The following ABTB3 variants were observed in gnomAD, a reference collection of about 807,000 sequenced individuals.
ABTB3 encodes the protein ankyrin repeat and BTB domain containing 3, also known as ankyrin repeat- and BTB/POZ domain-containing protein 3.
At chr12:107,630,514 G>T in the ABTB3 span, among the ~76,000 whole-genome samples, 3 of 151,974 alleles carry the variant, frequency 2.0e-5, no homozygotes, top group Non-Finnish European at 4.4e-5. Flanking sequence ...TTGCCATGTT[G>T]CCTAGGCTGG....
the ABTB3 span, among the ~76,000 whole-genome samples, chr12:107,395,944 C>A: frequency 8.5e-5 from 13 of 152,188 alleles, no homozygotes; most frequent in Admixed American, 7.9e-4. Flanking sequence ...GGATGGGAAC[C>A]CTGTGTGGCC....
the ABTB3 span, among the ~76,000 whole-genome samples, chr12:107,616,084 ACTGAGAGCT>A: frequency 2.6e-5 from 4 of 152,158 alleles, no homozygotes. Context: ...GACATGTCAC[ACTGAGAGCT>A]GGCTTCTGCC....
At chr12:107,331,533 G>GCATT in the ABTB3 span, among the ~76,000 whole-genome samples, 3 of 152,156 alleles carry the variant, frequency 2.0e-5, no homozygotes, top group Non-Finnish European at 4.4e-5. Flanking sequence ...GGGACACCAG[G>GCATT]CATTCAGAGG....
chr12:107,608,404 C>T, the ABTB3 span, among the ~76,000 whole-genome samples: 2 of 152,186 alleles, frequency 1.3e-5, no homozygotes, highest in African/African-American at 4.8e-5. Flanking sequence ...TTAAGGACTA[C>T]GTCACAGGTC....
chr12:107,575,461 A>G, the ABTB3 span, among the ~76,000 whole-genome samples: 1 of 152,178 alleles, frequency 6.6e-6, no homozygotes, highest in South Asian at 2.1e-4. Flanking sequence ...TGACTGCTGT[A>G]AAAAATTACC....
chr12:107,455,839 A>G, the ABTB3 span, among the ~76,000 whole-genome samples: 1 of 152,170 alleles, frequency 6.6e-6, no homozygotes, highest in East Asian at 1.9e-4. Flanking sequence ...CTAATCCTAT[A>G]GCAGGCTAAC....
the ABTB3 span, among the ~76,000 whole-genome samples, chr12:107,468,698 G>A: frequency 6.6e-6 from 1 of 151,988 alleles, no homozygotes; most frequent in Non-Finnish European, 1.5e-5. Context: ...CAGTGTTTTG[G>A]GCAAAGGAGA....
At chr12:107,609,987 C>G in the ABTB3 span, 1 of 609,554 alleles carries the variant, frequency 1.6e-6, no homozygotes, top group South Asian at 2.0e-5. Flanking sequence ...TATGGGAGCA[C>G]ACAGGAGACT....
At chr12:107,651,595 C>T in the ABTB3 span, 5 of 942,714 alleles carry the variant, frequency 5.3e-6, no homozygotes, top group East Asian at 7.6e-5. Flanking sequence ...TGAGGACTGT[C>T]TCACCACTAT....
the ABTB3 span, among the ~76,000 whole-genome samples, chr12:107,539,811 C>T: frequency 6.6e-6 from 1 of 152,222 alleles, no homozygotes; most frequent in African/African-American, 2.4e-5. Context: ...GGTTAAGTGA[C>T]TCGCCTGTGT....
At chr12:107,336,697 C>G in the ABTB3 span, among the ~76,000 whole-genome samples, 3 of 152,310 alleles carry the variant, frequency 2.0e-5, no homozygotes, top group Admixed American at 1.3e-4. Flanking sequence ...CATCTTGTGT[C>G]TCCAGCACAG....
the ABTB3 span, chr12:107,520,680 T>G: frequency 6.2e-7 from 1 of 1,605,502 alleles, no homozygotes; most frequent in East Asian, 2.2e-5. Context: ...TCAAGACATA[T>G]CCTGTCTGTG....
At chr12:107,529,015 G>A in the ABTB3 span, among the ~76,000 whole-genome samples, 2 of 149,800 alleles carry the variant, frequency 1.3e-5, no homozygotes, top group Admixed American at 6.7e-5. Flanking sequence ...GATGATGGTG[G>A]TGATGATAAT....
the ABTB3 span, among the ~76,000 whole-genome samples, chr12:107,458,619 C>T: frequency 6.6e-6 from 1 of 152,142 alleles, no homozygotes; most frequent in African/African-American, 2.4e-5. Flanking sequence ...CCAGAATGGC[C>T]AAGTGTCTTG....
At chr12:107,353,247 C>CCGG in the ABTB3 span, among the ~76,000 whole-genome samples, 539 of 152,184 alleles carry the variant, frequency 3.5e-3, 4 homozygotes, top group Non-Finnish European at 5.3e-3. Context: ...TGGCTCTGAG[C>CCGG]CCAGCATGGT....
At chr12:107,615,521 C>T in the ABTB3 span, among the ~76,000 whole-genome samples, 2 of 152,188 alleles carry the variant, frequency 1.3e-5, no homozygotes, top group Non-Finnish European at 2.9e-5. Flanking sequence ...TTAGAACCTT[C>T]CCTTAGGTGT....
At chr12:107,479,172 G>A in the ABTB3 span, among the ~76,000 whole-genome samples, 3,674 of 152,204 alleles carry the variant, frequency 0.024, 162 homozygotes, top group African/African-American at 0.084. Flanking sequence ...TGTAGGCAGA[G>A]CTCAGACTAA....
At chr12:107,593,727 A>T in the ABTB3 span, among the ~76,000 whole-genome samples, 1 of 152,176 alleles carries the variant, frequency 6.6e-6, no homozygotes, top group Non-Finnish European at 1.5e-5. Context: ...AGACATAAGC[A>T]ATCCTGGGCA....
the ABTB3 span, among the ~76,000 whole-genome samples, chr12:107,464,289 A>G: frequency 6.9e-6 from 1 of 145,504 alleles, no homozygotes; most frequent in African/African-American, 2.5e-5. Context: ...GAAGGCCTCT[A>G]TGAGGAGGTG....
Sources: gnomAD v4.1 joint callset for allele counts (sites outside exome capture counted in the v4.1 genomes callset) on GRCh38, gnomAD v4.1.1 for gene constraint, MANE v1.5 for transcripts, NCBI Gene and HGNC (gene_info 2026-07-23, HGNC 2026-07-21) for gene names.